RANBP2: variants seen among roughly 807,000 people sequenced by gnomAD.
RANBP2 encodes the protein E3 SUMO-protein ligase RanBP2.
Under a neutral mutation model 303.6 loss-of-function variants are expected in RANBP2, and 57 were observed. The observed-to-expected ratio is 0.19, with a 90% confidence interval of 0.15 to 0.23. The LOEUF (loss-of-function observed/expected upper bound fraction) is 0.23. Among genes scored for constraint, RANBP2 ranks in the 10% least tolerant of loss-of-function variants. The pLI is 1.00. For missense variants in RANBP2, 3,138 were observed against 3,780.8 expected (o/e 0.83, Z 4.46); for synonymous variants, 1,167 against 1,301.5 (o/e 0.90, Z 2.23).
chr2:109,083,289 C>T, the RANBP2 span, among the ~76,000 whole-genome samples: 2 of 152,172 alleles, frequency 1.3e-5, no homozygotes, highest in South Asian at 4.1e-4. Context: ...GCGCTAACTC[C>T]TCATTCTCTC....
At chr2:109,228,614 G>A in the RANBP2 span, among the ~76,000 whole-genome samples, 5 of 152,102 alleles carry the variant, frequency 3.3e-5, no homozygotes, top group African/African-American at 1.2e-4. Flanking sequence ...TGCAAGAGGT[G>A]TCTTCAGGTT....
chr2:109,737,046 T>A, the RANBP2 span: 2 of 637,424 alleles, frequency 3.1e-6, no homozygotes, highest in East Asian at 5.6e-5. Flanking sequence ...TTCTCTTCAA[T>A]CAATACTGCA....
the RANBP2 span, among the ~76,000 whole-genome samples, chr2:109,078,100 A>ATATATATATATATATAGCGTG: frequency 1.4e-5 from 1 of 70,002 alleles, no homozygotes; most frequent in African/African-American, 5.0e-5. Flanking sequence ...ATATATATAT[A>ATATATATATATATATAGCGTG]TATATATATA....
the RANBP2 span, among the ~76,000 whole-genome samples, chr2:109,562,169 T>A: frequency 6.6e-6 from 1 of 151,998 alleles, no homozygotes; most frequent in African/African-American, 2.4e-5. Flanking sequence ...GCAGAGATCA[T>A]GCCACTGAAC....
the RANBP2 span, among the ~76,000 whole-genome samples, chr2:109,239,775 G>A: frequency 6.6e-5 from 10 of 152,210 alleles, no homozygotes; most frequent in African/African-American, 2.4e-4. Flanking sequence ...TGCTGTGGGA[G>A]TCCCTTGTCT....
At chr2:109,455,262 G>A in the RANBP2 span, among the ~76,000 whole-genome samples, 2 of 152,282 alleles carry the variant, frequency 1.3e-5, no homozygotes, top group South Asian at 4.1e-4. Flanking sequence ...TGGCCTTGGG[G>A]GGAGAAAGGG....
the RANBP2 span, among the ~76,000 whole-genome samples, chr2:109,419,365 G>A: frequency 6.6e-5 from 10 of 152,176 alleles, no homozygotes; most frequent in South Asian, 2.1e-4. Context: ...CAGGGGTCCC[G>A]GGCTGCCAGG....
chr2:109,059,259 G>T, the RANBP2 span, among the ~76,000 whole-genome samples: 1 of 152,068 alleles, frequency 6.6e-6, no homozygotes, highest in African/African-American at 2.4e-5. Flanking sequence ...CTAGTTATCC[G>T]CCTAAACTAT....
chr2:109,144,291 A>G, the RANBP2 span, among the ~76,000 whole-genome samples: 1 of 152,246 alleles, frequency 6.6e-6, no homozygotes, highest in Non-Finnish European at 1.5e-5. Flanking sequence ...TACCTTAAAT[A>G]TATACAATTT....
the RANBP2 span, among the ~76,000 whole-genome samples, chr2:109,740,211 T>G: frequency 6.6e-6 from 1 of 151,608 alleles, no homozygotes; most frequent in African/African-American, 2.4e-5. Context: ...ATGGTCTCAA[T>G]CTCTTGACCT....
chr2:109,182,901 A>G, the RANBP2 span, among the ~76,000 whole-genome samples: 1 of 152,150 alleles, frequency 6.6e-6, no homozygotes, highest in Non-Finnish European at 1.5e-5. Flanking sequence ...TTTCACTCTC[A>G]TATTTCATAA....
At chr2:109,220,083 A>G in the RANBP2 span, among the ~76,000 whole-genome samples, 7 of 152,328 alleles carry the variant, frequency 4.6e-5, no homozygotes, top group East Asian at 1.4e-3. Flanking sequence ...AGATATATAA[A>G]CCAATGGAAT....
At chr2:109,514,477 T>C in the RANBP2 span, among the ~76,000 whole-genome samples, 1 of 152,150 alleles carries the variant, frequency 6.6e-6, no homozygotes, top group Non-Finnish European at 1.5e-5. Flanking sequence ...CAGGGCCCTG[T>C]ACGAGTTCAG....
chr2:108,900,508 C>T, the RANBP2 span, among the ~76,000 whole-genome samples: 8 of 149,064 alleles, frequency 5.4e-5, no homozygotes, highest in African/African-American at 1.5e-4. Context: ...GAGCCAAGAT[C>T]ATGCCATTGC....
the RANBP2 span, among the ~76,000 whole-genome samples, chr2:108,991,029 T>C: frequency 6.6e-6 from 1 of 152,156 alleles, no homozygotes; most frequent in Non-Finnish European, 1.5e-5. Flanking sequence ...ATTTAAAATT[T>C]ACCAAAAGGA....
the RANBP2 span, among the ~76,000 whole-genome samples, chr2:109,287,276 G>T: frequency 1.3e-5 from 2 of 152,118 alleles, no homozygotes; most frequent in African/African-American, 4.8e-5. Context: ...GTAGTGTTTT[G>T]TGGTCACAAT....
At chr2:109,017,995 A>G in the RANBP2 span, among the ~76,000 whole-genome samples, 1 of 152,244 alleles carries the variant, frequency 6.6e-6, no homozygotes, top group Non-Finnish European at 1.5e-5. Context: ...GTTAAATGAC[A>G]GATGCAGGCT....
the RANBP2 span, among the ~76,000 whole-genome samples, chr2:109,675,646 C>T: frequency 6.6e-6 from 1 of 152,126 alleles, no homozygotes; most frequent in Non-Finnish European, 1.5e-5. Flanking sequence ...CCCACCATTG[C>T]ACTCCAGCCT....
chr2:109,384,827 G>A, the RANBP2 span, among the ~76,000 whole-genome samples: 1 of 152,196 alleles, frequency 6.6e-6, no homozygotes, highest in Non-Finnish European at 1.5e-5. Context: ...GAAGGCCTCA[G>A]GGTAACTCCA....
Sources: allele counts gnomAD v4.1 joint callset (sites outside exome capture counted in the v4.1 genomes callset), GRCh38; gene constraint gnomAD v4.1.1; transcripts MANE v1.5; gene names NCBI Gene and HGNC (gene_info 2026-07-23, HGNC 2026-07-21).